Variants in SNRNP35 observed in about 807,000 individuals in gnomAD.
The protein encoded by SNRNP35 is U11/U12 small nuclear ribonucleoprotein 35 kDa protein.
Under a neutral mutation model 24.3 loss-of-function variants are expected in SNRNP35, and 16 were observed. The observed-to-expected ratio is 0.66, with a 90% confidence interval of 0.45 to 1.00. The LOEUF (loss-of-function observed/expected upper bound fraction) is 1.00, where lower values mean the gene tolerates loss of function less well. SNRNP35 is among the 50% of genes least tolerant of loss of function. SNRNP35 has a pLI of 0.00. For synonymous variants in SNRNP35, 106 were observed against 124.8 expected, an observed-to-expected ratio of 0.85 and a Z score of 1.00; for missense variants, 292 against 327.2, an observed-to-expected ratio of 0.89 and a Z score of 0.83.
chr12:123,460,544 T>C (rs1285796348), intron 1 of SNRNP35, among the ~76,000 whole-genome samples: 1 of 130,552 alleles, frequency 7.7e-6, no homozygotes, highest in African/African-American at 2.9e-5. Flanking sequence ...GGCAGAAGGA[T>C]AGCTCATGCC....
chr12:123,460,621 A>G (rs74865150), intron 1 of SNRNP35, among the ~76,000 whole-genome samples: 5,706 of 149,540 alleles, frequency 0.038, 402 homozygotes, highest in African/African-American at 0.13. Flanking sequence ...AAAAAAAAAA[A>G]AAAGCTGGGT....
chr12:123,461,666 T>C (rs1184506125), intron 1 of SNRNP35, among the ~76,000 whole-genome samples: 3 of 152,104 alleles, frequency 2.0e-5, no homozygotes, highest in Non-Finnish European at 4.4e-5. Context: ...TGTCATGTCC[T>C]GTTCTTGTTT....
chr12:123,469,022 A>G (rs1412248271), downstream of SNRNP35, among the ~76,000 whole-genome samples: 4 of 152,132 alleles, frequency 2.6e-5, no homozygotes, highest in East Asian at 1.9e-4. Flanking sequence ...TAGGATGTTC[A>G]TTAGCACCTT....
downstream of SNRNP35, among the ~76,000 whole-genome samples, chr12:123,467,764 A>T (rs541581553): frequency 2.0e-5 from 3 of 152,360 alleles, no homozygotes; most frequent in Non-Finnish European, 2.9e-5. Context: ...AGCTGTTAGA[A>T]CAGTTTTAGA....
At chr12:123,470,523 C>T (rs1209184016), downstream of SNRNP35, 2 of 151,706 alleles carry the variant, frequency 1.3e-5, no homozygotes, top group African/African-American at 4.9e-5. Flanking sequence ...CACCTGTAAT[C>T]CCAGCACTTT....
exon 2 of SNRNP35, chr12:123,472,269 T>C: frequency 2.5e-6 from 1 of 393,008 alleles, no homozygotes; most frequent in South Asian, 5.1e-5. Context: ...AAGTCTGGCC[T>C]CCGTTTGTGG....
At chr12:123,472,749 A>T in exon 2 of SNRNP35, 1 of 1,531,134 alleles carries the variant, frequency 6.5e-7, no homozygotes, top group Non-Finnish European at 8.9e-7. Flanking sequence ...CGTTTTTTGC[A>T]ATGCCGGAGA....
chr12:123,464,636 G>C (rs1457488516), intron 1 of SNRNP35: 1 of 152,218 alleles, frequency 6.6e-6, no homozygotes, highest in African/African-American at 2.4e-5. Flanking sequence ...ATATTAGTAA[G>C]CATTTTATTA....
Position 123,466,154 on chromosome 12 carries a change from G to A in SNRNP35, c.614G>A (p.Arg205Lys). Residue 205 changes from arginine (R) to lysine (K), a missense_variant, in exon 2 of 2, where the codon AGG becomes AAG. Coordinates refer to ENST00000526639, the MANE Select transcript of SNRNP35 (RefSeq NM_022717.4). ...DSRTRDRDHDRGREKRWQERE... is the reference protein window; with the variant it reads ...DSRTRDRDHDKGREKRWQERE... ...AGGACAAGGGATCGAGACCATGACA[G>A]GGGCCGGGAGAAGAGATGGCAAGAA... The A allele has an allele frequency of 6.2e-7, 1 of 1,609,184 alleles. No individual in the cohort carries two copies. The highest frequency in any genetic ancestry group is 8.5e-7 in the Non-Finnish European group (1 of 1,178,242).
At chr12:123,464,019 C>T (rs1043598122) in intron 1 of SNRNP35, among the ~76,000 whole-genome samples, 1 of 151,090 alleles carries the variant, frequency 6.6e-6, no homozygotes, top group Non-Finnish European at 1.5e-5. Context: ...CCGCAACCTC[C>T]ACCAACCTAG....
intron 1 of SNRNP35, chr12:123,464,866 A>G (rs1328916728): frequency 1.3e-5 from 2 of 152,232 alleles, no homozygotes; most frequent in Non-Finnish European, 2.9e-5. Context: ...TCTGTTTACT[A>G]CAGAATGGTG....
chr12:123,465,630 G>C lies in SNRNP35; in HGVS notation c.90G>C (p.Ala30=), dbSNP rs527933019. The C allele has an allele frequency of 3.1e-6, 5 of 1,613,122 alleles. No individual in the cohort carries two copies. The highest frequency in any genetic ancestry group is 4.2e-6 in the Non-Finnish European group (5 of 1,179,614). The part of the protein sequence containing the change: ...DGTDEDPHDR[A]VWRAMLARYV... ...CCGATGAAGACCCACACGACCGCGCGGTCTGGAGGGCAATGCTGGCACGAT... is the reference window on the plus strand; with the variant it reads ...CCGATGAAGACCCACACGACCGCGCCGTCTGGAGGGCAATGCTGGCACGAT... Residue 30 remains alanine (A), a synonymous_variant, in exon 2 of 2, where the codon GCG becomes GCC. Coordinates refer to ENST00000526639, the MANE Select transcript of SNRNP35 (RefSeq NM_022717.4). This position sits in a 1 kb window ranked among gnomAD's most constrained non-coding sequence, Gnocchi z 4.2.
downstream of SNRNP35, among the ~76,000 whole-genome samples, chr12:123,467,460 T>C (rs1373032143): frequency 1.3e-5 from 2 of 152,182 alleles, no homozygotes; most frequent in African/African-American, 4.8e-5. Flanking sequence ...TTCTGATGGA[T>C]TGATTTTTCC....
chr12:123,468,986 C>A (rs994171856), downstream of SNRNP35, among the ~76,000 whole-genome samples: 5 of 151,920 alleles, frequency 3.3e-5, no homozygotes, highest in Admixed American at 6.6e-5. Flanking sequence ...ATAAATATCA[C>A]CCCCATATGG....
At position 123,465,678 on chromosome 12, in the gene SNRNP35, A is replaced by G. The variant is rs771140492; in HGVS notation, c.138A>G (p.Ile46Met). ...GATATGTCCCCAACAAAGGTGTCAT[A>G]GGAGATCCCCTCCTCACCCTGTTTG... ...LARYVPNKGV[I>M]GDPLLTLFVA... The change falls in exon 2 of 2, where the codon ATA becomes ATG. Residue 46 changes from isoleucine (I) to methionine (M), a missense_variant. Coordinates refer to ENST00000526639, the MANE Select transcript of SNRNP35 (RefSeq NM_022717.4). This position sits in a 1 kb window ranked among gnomAD's most constrained non-coding sequence, Gnocchi z 4.2. 13 of 1,614,034 alleles carry G rather than the reference A, an allele frequency of 8.1e-6. No individual in the cohort carries two copies. The South Asian group carries it at 1.2e-4, about 15-fold the overall frequency.
intron 1 of SNRNP35, among the ~76,000 whole-genome samples, chr12:123,460,792 G>A (rs1002517568): frequency 6.6e-6 from 1 of 151,176 alleles, no homozygotes. Context: ...TTCTGTAGCT[G>A]GGATTACAGG....
chr12:123,466,058 A>G lies in SNRNP35; in HGVS notation c.518A>G (p.Asn173Ser). The change falls in exon 2 of 2, where the codon AAC (asparagine) becomes AGC (serine). Residue 173 changes from asparagine to serine, a missense_variant. Transcript: ENST00000526639. The part of the protein sequence containing the change: ...RKPINLPVVK[N>S]DLYREGKRER... ...CCTATTAACTTGCCAGTTGTTAAAA[A>G]CGACCTCTATAGAGAGGGAAAACGG... 2.5e-6 allele frequency: 4 copies of G among 1,614,094 alleles called. No homozygotes were observed. Among genetic ancestry groups the G allele is most frequent in the African/African-American group, 1.3e-5 (1 of 75,006 alleles).
In SNRNP35 at chr12:123,458,178, C is replaced by G. The variant is rs954529801; in HGVS notation, c.-42C>G. The G allele has an allele frequency of 4.0e-5, 39 of 985,316 alleles. No homozygotes were observed. Among genetic ancestry groups the G allele is most frequent in the Admixed American group, 1.2e-4 (2 of 16,238 alleles). 61.0% of individuals were successfully genotyped at this position (985,316 alleles called of 1,614,324 possible). ...GAATCTGCTGTCGCCTGCAGCTGCT[C>G]GCCTGTCTCCGTCGGAAGGGAGCCC... On this transcript the variant is annotated 5_prime_UTR_variant, in exon 1 of 2. Coordinates refer to ENST00000526639, the MANE Select transcript of SNRNP35 (RefSeq NM_022717.4).
chr12:123,469,114 G>A (rs549555680), downstream of SNRNP35, among the ~76,000 whole-genome samples: 1 of 151,594 alleles, frequency 6.6e-6, no homozygotes, highest in African/African-American at 2.4e-5. Context: ...ACTGCCAAAT[G>A]TCCCCTGGGG....
Sources: gnomAD v4.1 joint callset for allele counts (sites outside exome capture counted in the v4.1 genomes callset) on GRCh38, gnomAD v4.1.1 for gene constraint, Gnocchi (gnomAD v3.1) non-coding constraint, MANE v1.5 for transcripts, NCBI Gene and HGNC (gene_info 2026-07-23, HGNC 2026-07-21) for gene names.